Variants in PRTFDC1 observed in about 807,000 individuals in gnomAD.
The protein encoded by PRTFDC1 is phosphoribosyltransferase domain-containing protein 1.
A neutral mutation model predicts 34.6 loss-of-function variants in PRTFDC1; 38 were observed. The ratio of observed to expected loss-of-function variants is 1.10; its 90% CI spans 0.85 to 1.44. The LOEUF is 1.44. Ranked by LOEUF, PRTFDC1 falls within the 40% of genes most tolerant of loss-of-function variation. The probability of loss-of-function intolerance (pLI) is 0.00; values close to 1 mark genes in which losing one functional copy is unlikely to be tolerated. For missense variants in PRTFDC1, 270 were observed against 283.0 expected, an observed-to-expected ratio of 0.95 and a Z score of 0.33; for synonymous variants, 93 against 98.1, an observed-to-expected ratio of 0.95 and a Z score of 0.31.
intron 3 of PRTFDC1, chr10:24,908,743 C>T: frequency 6.6e-7 from 1 of 1,506,124 alleles, no homozygotes; most frequent in Non-Finnish European, 8.9e-7. Context: ...ACCTAGCCAG[C>T]CCGATCAGCC....
chr10:24,908,828 C>T (rs1848581439), intron 3 of PRTFDC1: 2 of 1,304,654 alleles, frequency 1.5e-6, no homozygotes, highest in Non-Finnish European at 2.0e-6. Flanking sequence ...TTCCAAATAG[C>T]CCATTTGATT....
intron 4 of PRTFDC1, among the ~76,000 whole-genome samples, chr10:24,870,428 T>C (rs564257808): frequency 6.6e-6 from 1 of 152,318 alleles, no homozygotes; most frequent in South Asian, 2.1e-4. Flanking sequence ...AAATTTCTTC[T>C]TGGCATTCAT....
intron 5 of PRTFDC1, among the ~76,000 whole-genome samples, chr10:24,857,892 T>TA (rs1020231815): frequency 1.3e-5 from 2 of 151,680 alleles, no homozygotes; most frequent in Non-Finnish European, 2.9e-5. Flanking sequence ...AAACAAAAGT[T>TA]AAAAAAAACG....
At position 24,900,939 on chromosome 10, in the gene PRTFDC1, C is replaced by T. The variant is rs540074410; in HGVS notation, c.340-28876G>A. Among the ~76,000 whole-genome samples the T allele has an allele frequency of 1.1e-4, 16 of 152,268 alleles. No individual in the cohort carries two copies. In the East Asian group the frequency reaches 2.1e-3, roughly 20 times the overall value. On this transcript the variant is annotated intron_variant, in intron 3 of 8. Coordinates refer to ENST00000320152, the MANE Select transcript of PRTFDC1 (RefSeq NM_020200.7). ...GAGACTATTTTGTGGTAACTTGTCG[C>T]TAACAGGTGTTTGCAATTAGATTTT...
chr10:24,924,001 C>T (rs190136346), intron 3 of PRTFDC1, among the ~76,000 whole-genome samples: 13 of 152,186 alleles, frequency 8.5e-5, no homozygotes, highest in Admixed American at 2.6e-4. Context: ...AACTTCGTGA[C>T]GCATGCACAA....
intron 3 of PRTFDC1, among the ~76,000 whole-genome samples, chr10:24,924,251 T>C (rs1848837567): frequency 6.6e-6 from 1 of 152,190 alleles, no homozygotes; most frequent in Admixed American, 6.5e-5. Context: ...CCAGGAGAAC[T>C]TCCCCAACCT....
At position 24,952,439 on chromosome 10, in the gene PRTFDC1, C is replaced by A. The variant is rs979974537; in HGVS notation, c.48+89G>T. The A allele has an allele frequency of 6.3e-5, 91 of 1,442,854 alleles. No homozygotes were observed. In the African/African-American group the frequency reaches 9.3e-4, roughly 15 times the overall value. 89.4% of individuals were successfully genotyped at this position (1,442,854 alleles called of 1,614,324 possible). ...ACAAAGCGGTGGCCCTCTCTCTCCC[C>A]CGACGCACGGCAAGCATTTAATCTA... On this transcript the variant is annotated intron_variant, in intron 1 of 8. Transcript: ENST00000320152. The surrounding 1 kb of genome is among the most constrained non-coding windows in gnomAD (Gnocchi z 5.1).
intron 3 of PRTFDC1, among the ~76,000 whole-genome samples, chr10:24,873,908 C>CTT (rs77144373): frequency 4.3e-5 from 6 of 140,018 alleles, no homozygotes; most frequent in African/African-American, 7.8e-5. Context: ...AATTTTTTAC[C>CTT]TTTTTTTTTT....
chr10:24,855,328 A>G lies in PRTFDC1; in HGVS notation c.543T>C (p.Phe181=). Residue 181 remains phenylalanine, a synonymous_variant, in exon 7 of 9, where the codon TTT becomes TTC. Coordinates refer to ENST00000320152, the MANE Select transcript of PRTFDC1 (RefSeq NM_020200.7). ...LVKRTSRSDG[F]RPDYAGFEIP... ...CTGAAAAACACTTACAGTCAGGTCT[A>G]AAGCCGTCACTTCTGGATGTTCTCT... The G allele has an allele frequency of 6.2e-7, 1 of 1,614,072 alleles. No homozygotes were observed. Among genetic ancestry groups the G allele is most frequent in the Non-Finnish European group, 8.5e-7 (1 of 1,179,944 alleles).
At chr10:24,893,557 G>GC (rs1848300284) in intron 3 of PRTFDC1, among the ~76,000 whole-genome samples, 1 of 152,112 alleles carries the variant, frequency 6.6e-6, no homozygotes. Context: ...TGATCCTCCT[G>GC]CCTTAGCCTC....
chr10:24,917,735 A>G (rs1170594594), intron 3 of PRTFDC1, among the ~76,000 whole-genome samples: 1 of 152,216 alleles, frequency 6.6e-6, no homozygotes, highest in African/African-American at 2.4e-5. Flanking sequence ...CCATGGAGAC[A>G]GATGTCCTTT....
intron 4 of PRTFDC1, among the ~76,000 whole-genome samples, chr10:24,866,074 T>A (rs544890181): frequency 6.6e-6 from 1 of 152,128 alleles, no homozygotes; most frequent in African/African-American, 2.4e-5. Flanking sequence ...TTAATTAGAA[T>A]CTTAGGCTGG....
chr10:24,858,545 T>A, intron 4 of PRTFDC1, 136 bp from the exon 5 acceptor site: 1 of 832,036 alleles, frequency 1.2e-6, no homozygotes, highest in Non-Finnish European at 1.9e-6. Context: ...TTCAAAGGAC[T>A]AGAGGTGATC....
At chr10:24,918,469 A>T (rs1171460529) in intron 3 of PRTFDC1, among the ~76,000 whole-genome samples, 2 of 152,148 alleles carry the variant, frequency 1.3e-5, no homozygotes, top group African/African-American at 4.8e-5. Flanking sequence ...CTCAGGCTAC[A>T]GTACAGTAAG....
At chr10:24,935,483 A>T (rs1849035127) in intron 3 of PRTFDC1, among the ~76,000 whole-genome samples, 1 of 152,178 alleles carries the variant, frequency 6.6e-6, no homozygotes. Flanking sequence ...AATCAGAACT[A>T]ATTTCCAGCT....
At chr10:24,871,055 A>G (rs1847859949) in intron 4 of PRTFDC1, among the ~76,000 whole-genome samples, 1 of 131,228 alleles carries the variant, frequency 7.6e-6, no homozygotes, top group African/African-American at 2.9e-5. Context: ...CTGGGGACAG[A>G]GCAAGACTCT....
chr10:24,905,070 GC>G (rs1564307859), intron 3 of PRTFDC1, among the ~76,000 whole-genome samples: 1 of 151,844 alleles, frequency 6.6e-6, no homozygotes, highest in East Asian at 1.9e-4. Context: ...ACTTTGGAAG[GC>G]CGAGGTGGGT....
chr10:24,939,793 C>CAAAAAAAAA (rs55974992), intron 2 of PRTFDC1, among the ~76,000 whole-genome samples: 2 of 71,538 alleles, frequency 2.8e-5, no homozygotes, highest in African/African-American at 1.1e-4. Context: ...GACTCTATCT[C>CAAAAAAAAA]AAAAAAAAAA....
At chr10:24,921,465 T>C (rs1405143183) in intron 3 of PRTFDC1, among the ~76,000 whole-genome samples, 1 of 152,102 alleles carries the variant, frequency 6.6e-6, no homozygotes, top group African/African-American at 2.4e-5. Context: ...CAGGCCTCGA[T>C]GATCACATGC....
Sources: allele counts gnomAD v4.1 joint callset (sites outside exome capture counted in the v4.1 genomes callset), GRCh38; gene constraint gnomAD v4.1.1; non-coding constraint Gnocchi (gnomAD v3.1); transcripts MANE v1.5; gene names NCBI Gene and HGNC (gene_info 2026-07-23, HGNC 2026-07-21).